SLC4A5: variants seen among roughly 807,000 people sequenced by gnomAD.
The protein encoded by SLC4A5 is solute carrier family 4 member 5.
In SLC4A5, 96 loss-of-function variants were observed where a neutral mutation model predicts 120.4. That is an observed-to-expected ratio of 0.80 (90% CI 0.68 to 0.94). The LOEUF is 0.94. Ranked by LOEUF, SLC4A5 falls within the 40% of genes least tolerant of loss-of-function variation. The pLI is 0.00. For missense variants in SLC4A5, 1,259 were observed against 1,459.5 expected (o/e 0.86, Z 2.24); for synonymous variants, 550 against 571.1 (o/e 0.96, Z 0.53).
At chr2:74,221,129 C>CA in intron 30 of SLC4A5, among the ~76,000 whole-genome samples, 1 of 152,308 alleles carries the variant, frequency 6.6e-6, no homozygotes, top group East Asian at 1.9e-4. Flanking sequence ...AGGTGTGAGG[C>CA]ACCGTGCTGG....
At chr2:74,337,905 G>A (rs551676627) in intron 3 of SLC4A5, among the ~76,000 whole-genome samples, 42 of 152,168 alleles carry the variant, frequency 2.8e-4, no homozygotes, top group Admixed American at 7.9e-4. Context: ...TGATCCCATG[G>A]GTGGGCTGAC....
chr2:74,276,464 A>C (rs1220425522), intron 8 of SLC4A5, among the ~76,000 whole-genome samples: 2 of 152,176 alleles, frequency 1.3e-5, no homozygotes, highest in East Asian at 3.9e-4. Flanking sequence ...TGCTCTAGGG[A>C]TTGATGTAGT....
At chr2:74,282,547 C>A (rs968232498) in intron 8 of SLC4A5, among the ~76,000 whole-genome samples, 11 of 152,236 alleles carry the variant, frequency 7.2e-5, no homozygotes, top group African/African-American at 2.2e-4. Context: ...AACTGCCAGA[C>A]CCCTTTATGT....
intron 26 of SLC4A5, 72 bp downstream of exon 26, chr2:74,227,738 G>A (rs1169969149): frequency 1.2e-5 from 17 of 1,390,100 alleles, no homozygotes; most frequent in Non-Finnish European, 1.1e-5. Context: ...TGAATTGGGG[G>A]TCTTGGTGAC....
At chr2:74,326,692 G>A (rs1394217823) in intron 5 of SLC4A5, among the ~76,000 whole-genome samples, 4 of 152,234 alleles carry the variant, frequency 2.6e-5, no homozygotes, top group East Asian at 3.9e-4. Context: ...GGTGGTGCAC[G>A]CCTGTAATCC....
chr2:74,264,101 A>C, intron 10 of SLC4A5, 46 bp downstream of exon 10: 1 of 1,588,634 alleles, frequency 6.3e-7, no homozygotes, highest in Non-Finnish European at 8.6e-7. Context: ...AGGGCCTGAT[A>C]CTGGCCCTGC....
chr2:74,285,419 A>G (rs2104167872), intron 8 of SLC4A5, among the ~76,000 whole-genome samples: 1 of 152,364 alleles, frequency 6.6e-6, no homozygotes, highest in African/African-American at 2.4e-5. Context: ...AGGTAGTTCC[A>G]CAGGGCCAAC....
chr2:74,275,420 T>G (rs1052870513), intron 8 of SLC4A5, among the ~76,000 whole-genome samples: 1 of 152,226 alleles, frequency 6.6e-6, no homozygotes, highest in African/African-American at 2.4e-5. Flanking sequence ...CTTGTCTGTG[T>G]ATCCAGGAAG....
chr2:74,227,838 A>C, exon 26 of SLC4A5: 3 of 1,612,196 alleles, frequency 1.9e-6, no homozygotes, highest in Non-Finnish European at 2.5e-6. Flanking sequence ...GGCCACGCCC[A>C]TGTAGAGGAA....
intron 8 of SLC4A5, among the ~76,000 whole-genome samples, chr2:74,269,138 G>A (rs1482623974): frequency 3.9e-5 from 6 of 152,134 alleles, no homozygotes; most frequent in East Asian, 3.8e-4. Flanking sequence ...ATGTGATATC[G>A]AAAGTAAGAT....
chr2:74,260,471 T>G (rs536692484), intron 11 of SLC4A5, among the ~76,000 whole-genome samples: 2 of 152,288 alleles, frequency 1.3e-5, no homozygotes, highest in South Asian at 4.1e-4. Context: ...AGGATGGATC[T>G]TTAGTCTGAC....
At chr2:74,250,408 G>A (rs1670753070) in exon 17 of SLC4A5, 1 of 1,614,084 alleles carries the variant, frequency 6.2e-7, no homozygotes, top group Non-Finnish European at 8.5e-7. Context: ...ATACAGCCGA[G>A]GTAGATGAAT....
At position 74,253,265 on chromosome 2, in the gene SLC4A5, G is replaced by C. The variant is rs1670851386; in HGVS notation, c.1114-137C>G. 5.8e-6 allele frequency: 6 copies of C among 1,029,440 alleles called. No individual in the cohort carries two copies. In the East Asian group the frequency reaches 1.6e-4, roughly 27 times the overall value. The allele number at this position is 1,029,440 out of a possible 1,614,324, so 63.8% of individuals were successfully genotyped here. On this transcript the variant is annotated intron_variant, in intron 14 of 30. Transcript: ENST00000394019. Reference sequence around the variant, plus strand: ...CCAACTCACTCTCAGTTTTTGGAATGAGACTATAGTACATTGGTAAAATAT... The same window carrying C: ...CCAACTCACTCTCAGTTTTTGGAATCAGACTATAGTACATTGGTAAAATAT...
chr2:74,256,445 A>T (rs1670967606), intron 12 of SLC4A5, among the ~76,000 whole-genome samples: 2 of 152,230 alleles, frequency 1.3e-5, no homozygotes, highest in South Asian at 4.1e-4. Flanking sequence ...TTCCTGGACC[A>T]GTCTCCAAGT....
chr2:74,304,187 G>C (rs1672564598), intron 7 of SLC4A5, among the ~76,000 whole-genome samples: 1 of 152,190 alleles, frequency 6.6e-6, no homozygotes, highest in African/African-American at 2.4e-5. Flanking sequence ...TGACCGTATG[G>C]TCCTTGGAAT....
At chr2:74,298,400 T>C (rs997006450) in intron 7 of SLC4A5, among the ~76,000 whole-genome samples, 8 of 152,186 alleles carry the variant, frequency 5.3e-5, no homozygotes, top group African/African-American at 1.9e-4. Context: ...CCCCATCTTA[T>C]GCCACTGACA....
intron 5 of SLC4A5, among the ~76,000 whole-genome samples, chr2:74,315,635 T>C (rs1042841272): frequency 4.7e-5 from 7 of 150,408 alleles, no homozygotes; most frequent in South Asian, 4.2e-4. Context: ...TAATATATTA[T>C]GCATATATAT....
At chr2:74,219,177 GTGTGT>G (rs1450082165) in intron 30 of SLC4A5, among the ~76,000 whole-genome samples, 1 of 18,158 alleles carries the variant, frequency 5.5e-5, no homozygotes, top group East Asian at 2.8e-3. Flanking sequence ...CTCTTTGGAG[GTGTGT>G]GTGTGTGTGT....
chr2:74,315,112 A>C (rs573104987), intron 5 of SLC4A5, 87 bp from the exon 6 acceptor site: 1 of 1,123,502 alleles, frequency 8.9e-7, no homozygotes, highest in South Asian at 1.2e-5. Context: ...CACAGTCATA[A>C]TGGGAGATTT....
Sources: allele counts gnomAD v4.1 joint callset (sites outside exome capture counted in the v4.1 genomes callset), GRCh38; gene constraint gnomAD v4.1.1; transcripts MANE v1.5; gene names NCBI Gene and HGNC (gene_info 2026-07-23, HGNC 2026-07-21).